The following TEX9 variants were observed in gnomAD, a reference collection of about 807,000 sequenced individuals.
The protein encoded by TEX9 is testis-expressed protein 9.
Under a neutral mutation model 59.6 loss-of-function variants are expected in TEX9, and 74 were observed. The ratio of observed to expected loss-of-function variants is 1.24; its 90% CI spans 1.03 to 1.51. The LOEUF (loss-of-function observed/expected upper bound fraction) is 1.51. Among genes scored for constraint, TEX9 ranks in the 40% most tolerant of loss-of-function variants. The pLI is 0.00. For synonymous variants in TEX9, 186 were observed against 152.2 expected (o/e 1.22, Z -1.64); for missense variants, 522 against 447.8 (o/e 1.17, Z -1.49).
intron 1 of TEX9, among the ~76,000 whole-genome samples, chr15:56,357,803 T>C (rs2046711739): frequency 6.6e-6 from 1 of 152,190 alleles, no homozygotes; most frequent in East Asian, 1.9e-4. Context: ...TTGCTCATTG[T>C]TGTGATTCTG....
At chr15:56,380,938 C>T (rs1217861726) in intron 3 of TEX9, among the ~76,000 whole-genome samples, 1 of 152,110 alleles carries the variant, frequency 6.6e-6, no homozygotes, top group Non-Finnish European at 1.5e-5. Context: ...CTATAGTCTT[C>T]TTTTACTTGA....
intron 1 of TEX9, among the ~76,000 whole-genome samples, chr15:56,248,325 ATATGTCAT>A (rs2043914340): frequency 6.6e-6 from 1 of 152,226 alleles, no homozygotes; most frequent in Non-Finnish European, 1.5e-5. Flanking sequence ...TAGAGCACAA[ATATGTCAT>A]TATGTCATTA....
chr15:56,422,707 T>C (rs899792365), intron 10 of TEX9, among the ~76,000 whole-genome samples: 4 of 151,916 alleles, frequency 2.6e-5, no homozygotes, highest in African/African-American at 4.8e-5. Context: ...AAGCATATAG[T>C]TCAGTAGTGT....
At chr15:56,300,785 C>T (rs1249705994) in intron 1 of TEX9, among the ~76,000 whole-genome samples, 1 of 150,024 alleles carries the variant, frequency 6.7e-6, no homozygotes, top group African/African-American at 2.5e-5. Context: ...AAGCAAAAGT[C>T]TCTACCTGGC....
chr15:56,295,635 C>A (rs770041324), intron 1 of TEX9, among the ~76,000 whole-genome samples: 1 of 152,086 alleles, frequency 6.6e-6, no homozygotes, highest in Non-Finnish European at 1.5e-5. Flanking sequence ...CTAAAGGAGG[C>A]GATATTTTAT....
intron 3 of TEX9, among the ~76,000 whole-genome samples, chr15:56,376,427 T>C (rs1316702320): frequency 6.6e-6 from 1 of 152,168 alleles, no homozygotes; most frequent in African/African-American, 2.4e-5. Flanking sequence ...ATTGCCTGAT[T>C]GCCTGTCTTT....
At chr15:56,365,866 A>G in intron 2 of TEX9, 196 bp downstream of exon 2, 1 of 1,404,902 alleles carries the variant, frequency 7.1e-7, no homozygotes, top group South Asian at 1.6e-5. Context: ...ATTAGAAGAT[A>G]TTTGAAGTGG....
intron 4 of TEX9, among the ~76,000 whole-genome samples, chr15:56,388,060 A>G (rs377387123): frequency 5.3e-5 from 8 of 152,152 alleles, no homozygotes; most frequent in African/African-American, 1.7e-4. Flanking sequence ...TAGAGTTCAC[A>G]ATATAATGAG....
intron 8 of TEX9, 94 bp from the exon 9 acceptor site, chr15:56,394,567 T>TA: frequency 1.1e-6 from 1 of 933,708 alleles, no homozygotes; most frequent in Non-Finnish European, 1.6e-6. Flanking sequence ...CGTGTATAAA[T>TA]ATCAAAGAAC....
chr15:56,419,838 G>A (rs2049882922), intron 10 of TEX9, among the ~76,000 whole-genome samples: 1 of 151,816 alleles, frequency 6.6e-6, no homozygotes, highest in Admixed American at 6.6e-5. Context: ...AGTTTTTGTA[G>A]GGTTGGTATT....
chr15:56,335,463 C>T (rs1181206431), intron 1 of TEX9, among the ~76,000 whole-genome samples: 1 of 151,936 alleles, frequency 6.6e-6, no homozygotes, highest in Non-Finnish European at 1.5e-5. Flanking sequence ...CAATTGAACT[C>T]ATGGAGATAG....
intron 1 of TEX9, among the ~76,000 whole-genome samples, chr15:56,280,889 C>A (rs1421174717): frequency 6.6e-6 from 1 of 152,210 alleles, no homozygotes; most frequent in Non-Finnish European, 1.5e-5. Flanking sequence ...AAAGTAATTT[C>A]AACCATGTGC....
downstream of TEX9, among the ~76,000 whole-genome samples, chr15:56,448,840 G>A (rs1360044875): frequency 6.2e-5 from 9 of 144,118 alleles, no homozygotes; most frequent in South Asian, 6.8e-4. Flanking sequence ...TGCAAGCTCC[G>A]CCACCCAGGT....
Position 56,380,375 on chromosome 15 carries a change from A to G in TEX9, c.184-3577A>G, listed in dbSNP as rs200723596. On this transcript the variant is annotated intron_variant, in intron 3 of 12. Transcript: ENST00000352903. ...CTGTTTCTGTCTTACTGTACTGTCT[A>G]TGAGTTAAAAAGTTGTTGTAGTTAT... is the stretch of plus-strand genomic sequence containing the variant. Among the ~76,000 whole-genome samples the G allele has an allele frequency of 3.3e-5, 5 of 152,160 alleles. No individual in the cohort carries two copies. The East Asian group carries it at 9.6e-4, about 29-fold the overall frequency.
At chr15:56,449,980 C>A (rs35978617), downstream of TEX9, among the ~76,000 whole-genome samples, 19,224 of 152,132 alleles carry the variant, frequency 0.13, 1,729 homozygotes, top group Non-Finnish European at 0.19. Flanking sequence ...ATTTTATTCA[C>A]CTTTTTATGG....
intron 1 of TEX9, among the ~76,000 whole-genome samples, chr15:56,269,355 T>C (rs1257296149): frequency 6.6e-6 from 1 of 152,178 alleles, no homozygotes; most frequent in Non-Finnish European, 1.5e-5. Context: ...ATTTCTTGCC[T>C]TCTGCTAGCT....
intron 1 of TEX9, among the ~76,000 whole-genome samples, chr15:56,341,470 C>G (rs1443857581): frequency 1.3e-5 from 2 of 152,118 alleles, no homozygotes; most frequent in Admixed American, 6.6e-5. Flanking sequence ...TGAGTCACCT[C>G]CTGAATACCA....
At chr15:56,329,489 C>T (rs1425067699) in intron 1 of TEX9, among the ~76,000 whole-genome samples, 11 of 151,998 alleles carry the variant, frequency 7.2e-5, no homozygotes, top group Admixed American at 7.2e-4. Context: ...GATACGTGAC[C>T]TTTCAGACAG....
rs1567132926 is a variant in TEX9 at position 56,412,347 on chromosome 15, CAA to C, written c.876_877del (p.Ser293CysfsTer8). The C allele has an allele frequency of 1.2e-6, 2 of 1,613,212 alleles. No homozygotes were observed. Among genetic ancestry groups the C allele is most frequent in the East Asian group, 4.5e-5 (2 of 44,844 alleles). On this transcript the variant is annotated frameshift_variant, in exon 10 of 13. Transcript: ENST00000352903. LOFTEE classifies it high-confidence loss of function. The stretch of plus-strand genomic sequence containing the variant: ...ACTGCAAAAACAGGCTGCAAGTAGT[CAA>C]AGTGCCACAGAGGTTCGCTTGAATA...
Sources: gnomAD v4.1 joint callset for allele counts (sites outside exome capture counted in the v4.1 genomes callset) on GRCh38, gnomAD v4.1.1 for gene constraint, MANE v1.5 for transcripts, NCBI Gene and HGNC (gene_info 2026-07-23, HGNC 2026-07-21) for gene names.